Variants in CRLF2 observed in about 807,000 individuals in gnomAD.
CRLF2 encodes cytokine receptor like factor 2.
In CRLF2, 41 loss-of-function variants were observed where a neutral mutation model predicts 38.7. The observed-to-expected ratio is 1.06, with a 90% CI of 0.83 to 1.37. CRLF2 has a LOEUF of 1.37. CRLF2 is among the 40% of genes most tolerant of loss of function. CRLF2 has a pLI of 0.00. For synonymous variants in CRLF2, 140 were observed against 128.8 expected (o/e 1.09, Z -0.59); for missense variants, 377 against 322.2 (o/e 1.17, Z -1.30).
chrX:1,198,865 G>A (rs1490504871), intron 4 of CRLF2, 141 bp from the exon 5 acceptor site: 40 of 837,290 alleles, frequency 4.8e-5, no homozygotes, highest in Admixed American at 2.0e-4. Context: ...ATGGAGCCGC[G>A]AGGCCGGACA....
At position 1,195,959 on chromosome X, in the gene CRLF2, T is replaced by C. The variant is rs1277029539; in HGVS notation, c.767+821A>G. 5.6e-5 allele frequency among the ~76,000 whole-genome samples: 8 copies of C among 141,998 alleles called. 1 individual carries two copies. The highest frequency in any genetic ancestry group is 4.2e-4 in the South Asian group (2 of 4,734). 93.2% of individuals were successfully genotyped at this position (141,998 alleles called of 152,430 possible). A position where few individuals can be genotyped will look rare whatever the true frequency, so the allele number is the denominator to read the frequency against. On this transcript the variant is annotated intron_variant, in intron 6 of 7. Transcript: ENST00000400841. ...AATATATTTATATATATTTTATATA[T>C]AAATTAAATATATATTATATATATT...
rs763471203 is a variant in CRLF2 at position 1,202,410 on chromosome X, C to T, written c.475G>A (p.Glu159Lys). 24 of 1,613,596 alleles carry T rather than the reference C, an allele frequency of 1.5e-5. No individual in the cohort carries two copies. The highest frequency in any genetic ancestry group is 1.8e-5 in the Non-Finnish European group (21 of 1,179,602). The change falls in exon 4 of 8, where the codon GAG becomes AAG. Residue 159 changes from glutamate to lysine, a missense_variant. By Grantham distance (56) the Glu-to-Lys change is moderately conservative. Coordinates refer to ENST00000400841, the MANE Select transcript of CRLF2 (RefSeq NM_022148.4). The stretch of plus-strand genomic sequence containing the variant: ...GCGGCCGCCCGGCTCACCTGCCACT[C>T]GGTGTCGAAGGGGCTCCGGTACTGA... Reference protein sequence around the residue: ...EVQYRSPFDTEWQSKQENTCN... With the variant: ...EVQYRSPFDTKWQSKQENTCN...
At chrX:1,201,138 A>T in intron 4 of CRLF2, among the ~76,000 whole-genome samples, 1 of 152,284 alleles carries the variant, frequency 6.6e-6, no homozygotes, top group African/African-American at 2.4e-5. Flanking sequence ...GAGAAGGTAC[A>T]GGAAAAATAT....
chrX:1,192,702 CT>C (rs2086408191), intron 7 of CRLF2, among the ~76,000 whole-genome samples: 1 of 112,990 alleles, frequency 8.9e-6, no homozygotes, highest in Non-Finnish European at 1.9e-5. Flanking sequence ...TTTTTCTTTT[CT>C]TTTCTTTTCT....
intron 2 of CRLF2, among the ~76,000 whole-genome samples, chrX:1,206,835 G>T (rs1376646797): frequency 1.3e-5 from 2 of 150,910 alleles, no homozygotes; most frequent in Non-Finnish European, 2.9e-5. Flanking sequence ...TGGAGACAGG[G>T]TTTCACCATG....
intron 7 of CRLF2, among the ~76,000 whole-genome samples, chrX:1,192,121 C>A (rs1167313221): frequency 2.9e-5 from 4 of 137,940 alleles, no homozygotes; most frequent in Non-Finnish European, 4.6e-5. Context: ...AGGAGAATGG[C>A]GTGAACCCGG....
chrX:1,198,714 TC>T lies in CRLF2; in HGVS notation c.493del (p.Glu165LysfsTer8), dbSNP rs779072462. The T allele has an allele frequency of 6.2e-7, 1 of 1,609,878 alleles. No individual in the cohort carries two copies. The highest frequency in any genetic ancestry group is 1.7e-5 in the Admixed American group (1 of 59,132). Reference protein sequence around the residue: ...PFDTEWQSKQENTCNVTIEGL... With the variant: ...PFDTEWQSKQXNTCNVTIEGL... ...TTCTATGGTGACGTTGCAGGTATTT[TC>T]CTGTTTGGACTGGAGAAACATACAC... On this transcript the variant is annotated frameshift_variant, in exon 5 of 8. Transcript: ENST00000400841. LOFTEE classifies it high-confidence loss of function.
At chrX:1,193,097 G>A (rs1360506270) in intron 7 of CRLF2, 121 bp downstream of exon 7, 8 of 393,630 alleles carry the variant, frequency 2.0e-5, no homozygotes, top group Middle Eastern at 6.4e-4. Context: ...ACAGGCGTGA[G>A]CCACTGCGCC....
chrX:1,212,604 C>T lies in CRLF2; in HGVS notation c.31G>A (p.Ala11Thr). The T allele has an allele frequency of 1.2e-6, 2 of 1,612,712 alleles. No homozygotes were observed. Among genetic ancestry groups the T allele is most frequent in the East Asian group, 2.2e-5 (1 of 44,798 alleles). MGRLVLLWGA[A>T]VFLLGGWMAL... ...ATCCAGCCTCCCAGCAGAAAGACGG[C>T]AGCTCCCCACAGCAGAACCAGCCGC... The change falls in exon 1 of 8, where the codon GCC becomes ACC. Residue 11 changes from alanine to threonine, a missense_variant. Coordinates refer to ENST00000400841, the MANE Select transcript of CRLF2 (RefSeq NM_022148.4).
chrX:1,200,430 GTATATGTGTT>G (rs2086582658), intron 4 of CRLF2, among the ~76,000 whole-genome samples: 1 of 144,672 alleles, frequency 6.9e-6, no homozygotes, highest in Non-Finnish European at 1.5e-5. Flanking sequence ...GTATATGTGT[GTATATGTGTT>G]TATATAAGGT....
intron 7 of CRLF2, among the ~76,000 whole-genome samples, chrX:1,192,219 A>AC (rs1192668691): frequency 2.2e-5 from 3 of 138,458 alleles, no homozygotes; most frequent in South Asian, 2.3e-4. Flanking sequence ...AAAAAAAAAA[A>AC]ACAAAAAAAA....
chrX:1,206,560 G>A lies in CRLF2; in HGVS notation c.222C>T (p.Tyr74=), dbSNP rs1379464471. The A allele has an allele frequency of 1.9e-6, 3 of 1,613,538 alleles. No homozygotes were observed. Among genetic ancestry groups the A allele is most frequent in the African/African-American group, 1.3e-5 (1 of 74,910 alleles). ...GDEAYDQCTN[Y]LLQEGHTSGC... The stretch of plus-strand genomic sequence containing the variant: ...CCGAAGTGTGACCTTCCTGGAGAAG[G>A]TAGTTGGTGCACTGGTCATAGGCCT... Residue 74 remains tyrosine, a synonymous_variant, in exon 3 of 8, where the codon TAC becomes TAT. Transcript: ENST00000400841.
rs1394684288 is a variant in CRLF2 at position 1,200,581 on chromosome X, GTA to G, written c.483+1819_483+1820del. Among the ~76,000 whole-genome samples the G allele has an allele frequency of 4.6e-5, 5 of 108,442 alleles. 2 individuals carry two copies. The highest frequency in any genetic ancestry group is 1.0e-4 in the Non-Finnish European group (5 of 49,306). The allele number at this position is 108,442 out of a possible 152,430, so 71.1% of individuals were successfully genotyped here. A position where few individuals can be genotyped will look rare whatever the true frequency, so the allele number is the denominator to read the frequency against. Reference sequence around the variant, plus strand: ...ATATGTGTATATAAGCTGTGTGTGTGTATATATGTGTGTATATAAGATGTGTA... The same window carrying G: ...ATATGTGTATATAAGCTGTGTGTGTGTATATGTGTGTATATAAGATGTGTA... On this transcript the variant is annotated intron_variant, in intron 4 of 7. Transcript: ENST00000400841.
chrX:1,196,073 G>T (rs1280144180), intron 6 of CRLF2, among the ~76,000 whole-genome samples: 1 of 146,298 alleles, frequency 6.8e-6, no homozygotes, highest in African/African-American at 2.5e-5. Context: ...TAGAGGTGGG[G>T]TTTCTTCATG....
At chrX:1,195,748 T>C (rs1288799214) in intron 6 of CRLF2, among the ~76,000 whole-genome samples, 1 of 135,394 alleles carries the variant, frequency 7.4e-6, no homozygotes, top group Admixed American at 9.3e-5. Context: ...TTTATAAATA[T>C]ATATATATTT....
chrX:1,211,032 G>C (rs1317624049), intron 1 of CRLF2, among the ~76,000 whole-genome samples: 4 of 150,734 alleles, frequency 2.7e-5, no homozygotes, highest in Admixed American at 2.6e-4. Context: ...TGAATGCATA[G>C]GTGGATGGAT....
In CRLF2 at chrX:1,206,450, C is replaced by T. The variant is rs746209913; in HGVS notation, c.332G>A (p.Arg111His). 11 of 1,613,484 alleles carry T rather than the reference C, an allele frequency of 6.8e-6. No individual in the cohort carries two copies. The highest frequency in any genetic ancestry group is 9.3e-6 in the Non-Finnish European group (11 of 1,179,544). ...ATACTTACGGTAATAAACCATCCAG[C>T]GACTTGCGGTGAAAACGGGGTGCGT... is the stretch of plus-strand genomic sequence containing the variant. ...NGTHPVFTASRWMVYYLKPSS... is the reference protein window; with the variant it reads ...NGTHPVFTASHWMVYYLKPSS... The change falls in exon 3 of 8, where the codon CGC (arginine) becomes CAC (histidine). Residue 111 changes from arginine to histidine, a missense_variant. By Grantham distance (29) the Arg-to-His change is conservative. Coordinates refer to ENST00000400841, the MANE Select transcript of CRLF2 (RefSeq NM_022148.4).
chrX:1,212,442 AAGAAG>A, intron 1 of CRLF2, 109 bp downstream of exon 1: 5 of 671,442 alleles, frequency 7.4e-6, no homozygotes, highest in Non-Finnish European at 1.0e-5. Context: ...AAAAAAAGAA[AAGAAG>A]AAAGAAACCT....
rs757359210 is a variant in CRLF2, at chrX:1,206,602, G to C, written c.183-3C>G. 2 of 1,612,930 alleles carry C rather than the reference G, an allele frequency of 1.2e-6. No homozygotes were observed. ...CATAGGCCTCATCACCGTTGAATCTGTGGTTTAAAACGATGACCATTCAGC... is the reference window on the plus strand; with the variant it reads ...CATAGGCCTCATCACCGTTGAATCTCTGGTTTAAAACGATGACCATTCAGC... On this transcript the variant is annotated splice_polypyrimidine_tract_variant and splice_region_variant and intron_variant, in intron 2 of 7. Coordinates refer to ENST00000400841, the MANE Select transcript of CRLF2 (RefSeq NM_022148.4).
Sources: gnomAD v4.1 joint callset for allele counts (sites outside exome capture counted in the v4.1 genomes callset) on GRCh38, gnomAD v4.1.1 for gene constraint, MANE v1.5 for transcripts, NCBI Gene and HGNC (gene_info 2026-07-23, HGNC 2026-07-21) for gene names.